ST3GAL3: variants seen among roughly 807,000 people sequenced by gnomAD.
ST3GAL3 encodes CMP-N-acetylneuraminate-beta-1,4-galactoside alpha-2,3-sialyltransferase.
Under a neutral mutation model 50.1 loss-of-function variants are expected in ST3GAL3, and 21 were observed. The observed-to-expected ratio is 0.42, with a 90% CI of 0.30 to 0.60. The LOEUF (loss-of-function observed/expected upper bound fraction) is 0.60. ST3GAL3 is among the 20% of genes least tolerant of loss of function. ST3GAL3 has a pLI of 0.19. For missense variants in ST3GAL3, 353 were observed against 489.4 expected (o/e 0.72, Z 2.63); for synonymous variants, 183 against 190.0 (o/e 0.96, Z 0.30).
intron 5 of ST3GAL3, 69 bp downstream of exon 5, chr1:43,838,380 C>G: frequency 7.3e-7 from 1 of 1,370,464 alleles, no homozygotes; most frequent in Non-Finnish European, 1.0e-6. Context: ...GAAACTCTGC[C>G]TCTCACAGCC....
Position 43,845,486 on chromosome 1 carries a change from C to T in ST3GAL3, c.302+7175C>T, listed in dbSNP as rs1211074883. Among the ~76,000 whole-genome samples the T allele has an allele frequency of 3.3e-5, 5 of 151,942 alleles. No individual in the cohort carries two copies. In the East Asian group the frequency reaches 9.6e-4, roughly 29 times the overall value. On this transcript the variant is annotated intron_variant, in intron 5 of 11. Transcript: ENST00000347631. ...GTCTAGGATAGAGACAGAGTCCTCTCTTTCATGCCTGATATTCGTAATTTG... is the reference window on the plus strand; with the variant it reads ...GTCTAGGATAGAGACAGAGTCCTCTTTTTCATGCCTGATATTCGTAATTTG...
At chr1:43,845,512 C>T (rs561762321) in intron 5 of ST3GAL3, among the ~76,000 whole-genome samples, 1 of 151,994 alleles carries the variant, frequency 6.6e-6, no homozygotes, top group East Asian at 1.9e-4. Context: ...TCGTAATTTG[C>T]ATTTTTTCTC....
At chr1:43,720,304 G>A (rs568592652) in intron 1 of ST3GAL3, among the ~76,000 whole-genome samples, 4 of 152,184 alleles carry the variant, frequency 2.6e-5, no homozygotes, top group African/African-American at 7.2e-5. Context: ...TGTTGGGAAT[G>A]TAAAATGTGT....
chr1:43,851,707 G>T (rs1193936593), intron 5 of ST3GAL3: 10 of 1,291,794 alleles, frequency 7.7e-6, no homozygotes, highest in South Asian at 1.2e-5. Context: ...CAGCATCCTT[G>T]TGGGCCCTGT....
At chr1:43,834,180 A>G (rs2063945438) in intron 4 of ST3GAL3, among the ~76,000 whole-genome samples, 1 of 152,016 alleles carries the variant, frequency 6.6e-6, no homozygotes, top group South Asian at 2.1e-4. Flanking sequence ...ACACAACAAA[A>G]AGAAACATTC....
At chr1:43,889,465 G>T (rs1254102570) in intron 5 of ST3GAL3, among the ~76,000 whole-genome samples, 1 of 152,166 alleles carries the variant, frequency 6.6e-6, no homozygotes, top group Admixed American at 6.6e-5. Context: ...TGAAACAAAT[G>T]AACCTAACTA....
chr1:43,908,680 G>A lies in ST3GAL3; in HGVS notation c.744+8953G>A, dbSNP rs559945008. Among the ~76,000 whole-genome samples, 245 of 149,546 alleles carry A rather than the reference G, an allele frequency of 1.6e-3. 1 individual carries two copies. Among genetic ancestry groups the A allele is most frequent in the Non-Finnish European group, 3.2e-3 (216 of 67,728 alleles). On this transcript the variant is annotated intron_variant, in intron 9 of 11. Coordinates refer to ENST00000347631, the MANE Select transcript of ST3GAL3 (RefSeq NM_006279.5). ...TTTGCTCTGTCACCCAGACAGGAGT[G>A]CAGTGGCACAATCTCAGCTCGCTGA...
At chr1:43,777,890 A>T (rs61768432) in intron 2 of ST3GAL3, among the ~76,000 whole-genome samples, 41,011 of 152,042 alleles carry the variant, frequency 0.27, 5,749 homozygotes, top group Middle Eastern at 0.31. Flanking sequence ...AAGATCTAGA[A>T]GCAGAAATAC....
At chr1:43,781,546 G>A (rs1205326868) in intron 2 of ST3GAL3, among the ~76,000 whole-genome samples, 3 of 151,912 alleles carry the variant, frequency 2.0e-5, no homozygotes, top group African/African-American at 7.3e-5. Context: ...AGGAGGCAGA[G>A]GTTGCAGTGA....
At chr1:43,839,737 A>G (rs1056570876) in intron 5 of ST3GAL3, 1 of 152,222 alleles carries the variant, frequency 6.6e-6, no homozygotes, top group African/African-American at 2.4e-5. Context: ...CTTTACAGGA[A>G]GTATGGTGCT....
chr1:43,783,520 C>T (rs981640524), intron 2 of ST3GAL3, among the ~76,000 whole-genome samples: 1 of 152,192 alleles, frequency 6.6e-6, no homozygotes, highest in African/African-American at 2.4e-5. Context: ...AGACTGTGCC[C>T]TATTCAGTAC....
At chr1:43,907,345 A>G (rs902365724) in intron 9 of ST3GAL3, among the ~76,000 whole-genome samples, 3 of 152,210 alleles carry the variant, frequency 2.0e-5, no homozygotes, top group Non-Finnish European at 2.9e-5. Context: ...AGATCCAGCC[A>G]GTCCAGTACC....
intron 2 of ST3GAL3, among the ~76,000 whole-genome samples, chr1:43,753,420 G>A (rs1262703713): frequency 6.6e-6 from 1 of 152,212 alleles, no homozygotes; most frequent in Non-Finnish European, 1.5e-5. Flanking sequence ...AAAAGTGAAA[G>A]TTTGTGGATT....
intron 5 of ST3GAL3, among the ~76,000 whole-genome samples, chr1:43,886,403 A>G (rs1456833638): frequency 6.6e-6 from 1 of 152,126 alleles, no homozygotes; most frequent in African/African-American, 2.4e-5. Flanking sequence ...GAAATGATAA[A>G]TGTTTGAGAT....
At chr1:43,761,237 C>T (rs187749889) in intron 2 of ST3GAL3, among the ~76,000 whole-genome samples, 10 of 152,226 alleles carry the variant, frequency 6.6e-5, no homozygotes. Flanking sequence ...AGTCACAAGC[C>T]ATTGCAGGCT....
intron 1 of ST3GAL3, among the ~76,000 whole-genome samples, chr1:43,709,032 A>G (rs1396834251): frequency 6.6e-6 from 1 of 152,226 alleles, no homozygotes; most frequent in Non-Finnish European, 1.5e-5. Context: ...ACTCTGAGAA[A>G]CCGAGAAAAG....
intron 2 of ST3GAL3, among the ~76,000 whole-genome samples, chr1:43,770,349 G>A (rs985840209): frequency 8.6e-5 from 13 of 151,956 alleles, no homozygotes; most frequent in African/African-American, 1.7e-4. Context: ...AGCTGTGTGC[G>A]TAAATTAACA....
At chr1:43,751,555 T>G (rs1388640510) in intron 2 of ST3GAL3, among the ~76,000 whole-genome samples, 5 of 152,192 alleles carry the variant, frequency 3.3e-5, no homozygotes. Flanking sequence ...TACTCCTACA[T>G]GAAGATGGAA....
chr1:43,834,803 G>A (rs565431987), intron 4 of ST3GAL3, among the ~76,000 whole-genome samples: 2 of 152,312 alleles, frequency 1.3e-5, no homozygotes, highest in South Asian at 2.1e-4. Context: ...ATCCTGATGC[G>A]ATTCTTGGAA....
Sources: gnomAD v4.1 joint callset for allele counts (sites outside exome capture counted in the v4.1 genomes callset) on GRCh38, gnomAD v4.1.1 for gene constraint, MANE v1.5 for transcripts, NCBI Gene and HGNC (gene_info 2026-07-23, HGNC 2026-07-21) for gene names.